The following CADM1 variants were observed in gnomAD, a reference collection of about 807,000 sequenced individuals.
CADM1 encodes TSLC-1.
Under a neutral mutation model 53.1 loss-of-function variants are expected in CADM1, and 15 were observed. The ratio of observed to expected loss-of-function variants is 0.28; its 90% confidence interval spans 0.19 to 0.44. CADM1 has a LOEUF of 0.44. Ranked by LOEUF, CADM1 falls within the 20% of genes least tolerant of loss-of-function variation. The pLI, the probability that CADM1 is intolerant of heterozygous loss-of-function variation, is 1.00. For synonymous variants in CADM1, 281 were observed against 243.0 expected, an observed-to-expected ratio of 1.16 and a Z score of -1.45; for missense variants, 434 against 611.3, an observed-to-expected ratio of 0.71 and a Z score of 3.06.
chr11:115,222,635 T>C (rs992893542), intron 5 of CADM1, among the ~76,000 whole-genome samples: 3 of 152,146 alleles, frequency 2.0e-5, no homozygotes, highest in African/African-American at 7.2e-5. Flanking sequence ...TGAAGAGGGC[T>C]GAACGATTGT....
intron 1 of CADM1, among the ~76,000 whole-genome samples, chr11:115,371,806 T>C (rs1485760363): frequency 4.6e-5 from 1 of 21,724 alleles, no homozygotes; most frequent in Non-Finnish European, 8.1e-5. Context: ...GCCCAGCTAA[T>C]GGATTTTTTT....
chr11:115,298,898 T>G (rs577873900), intron 1 of CADM1, among the ~76,000 whole-genome samples: 1 of 152,150 alleles, frequency 6.6e-6, no homozygotes, highest in African/African-American at 2.4e-5. Flanking sequence ...GCACCACCAC[T>G]TGAAATCTCA....
chr11:115,207,635 T>A (rs975079970), intron 8 of CADM1, among the ~76,000 whole-genome samples: 4 of 151,374 alleles, frequency 2.6e-5, no homozygotes, highest in Non-Finnish European at 4.4e-5. Context: ...AAATGAAAAG[T>A]GTTGTTCCAT....
intron 1 of CADM1, among the ~76,000 whole-genome samples, chr11:115,269,307 TGA>T (rs1036003429): frequency 2.6e-5 from 4 of 152,226 alleles, no homozygotes; most frequent in African/African-American, 9.6e-5. Flanking sequence ...GCTACCGACC[TGA>T]GAGAGTCTGC....
rs142496636 is a variant in CADM1, at chr11:115,177,237, G to T, written c.1298-645C>A. Among the ~76,000 whole-genome samples, 1,263 of 152,294 alleles carry T rather than the reference G, an allele frequency of 8.3e-3. 19 individuals carry two copies. Among genetic ancestry groups the T allele is most frequent in the Non-Finnish European group, 8.7e-3 (593 of 68,038 alleles). On this transcript the variant is annotated intron_variant, in intron 11 of 11. Coordinates refer to ENST00000331581, the MANE Select transcript of CADM1 (RefSeq NM_001301043.2). ...GGGATCTGTCTTAATGAGCAAGTAG[G>T]TCTCTCTCATCGTATAACTCTAGCC...
chr11:115,269,593 C>T (rs147259375), intron 1 of CADM1, among the ~76,000 whole-genome samples: 3 of 152,128 alleles, frequency 2.0e-5, no homozygotes, highest in African/African-American at 4.8e-5. Context: ...ATACACCATA[C>T]GTGATTCAAC....
intron 1 of CADM1, among the ~76,000 whole-genome samples, chr11:115,463,468 C>A (rs897232723): frequency 5.9e-5 from 9 of 152,178 alleles, no homozygotes; most frequent in African/African-American, 9.6e-5. Flanking sequence ...ACTGTGAGTT[C>A]TTTTCACCTA....
At chr11:115,387,388 AGGAAAATGAAGCAAAG>A (rs1049469202) in intron 1 of CADM1, among the ~76,000 whole-genome samples, 11 of 152,194 alleles carry the variant, frequency 7.2e-5, no homozygotes, top group East Asian at 1.9e-4. Context: ...TAAAATTGAA[AGGAAAATGAAGCAAAG>A]GGAAAATGAA....
chr11:115,488,810 T>C (rs1223038825), intron 1 of CADM1, among the ~76,000 whole-genome samples: 1 of 152,222 alleles, frequency 6.6e-6, no homozygotes, highest in Admixed American at 6.5e-5. Context: ...ACAGACTGCC[T>C]TACCCATGTC....
intron 1 of CADM1, among the ~76,000 whole-genome samples, chr11:115,400,143 G>C (rs975663151): frequency 3.3e-5 from 5 of 152,118 alleles, no homozygotes; most frequent in African/African-American, 1.2e-4. Flanking sequence ...AACTAGGTCT[G>C]TTGGCTATAA....
At chr11:115,467,658 G>A (rs776872297) in intron 1 of CADM1, among the ~76,000 whole-genome samples, 2 of 152,150 alleles carry the variant, frequency 1.3e-5, no homozygotes, top group Non-Finnish European at 1.5e-5. Flanking sequence ...GAGAGAAGCC[G>A]TAACAGGGAC....
At chr11:115,400,661 GTATATATATATA>G (rs372594262) in intron 1 of CADM1, among the ~76,000 whole-genome samples, 2,936 of 46,102 alleles carry the variant, frequency 0.064, 70 homozygotes, top group Non-Finnish European at 0.084. Context: ...GTGTGTGTGT[GTATATATATATA>G]TATATATATA....
At chr11:115,305,980 C>T (rs1337811956) in intron 1 of CADM1, among the ~76,000 whole-genome samples, 1 of 148,266 alleles carries the variant, frequency 6.7e-6, no homozygotes, top group Non-Finnish European at 1.5e-5. Flanking sequence ...TATAGAATTC[C>T]TACACATTTT....
chr11:115,373,770 A>G (rs1946372084), intron 1 of CADM1, among the ~76,000 whole-genome samples: 1 of 152,080 alleles, frequency 6.6e-6, no homozygotes, highest in African/African-American at 2.4e-5. Context: ...ACCTGTGGAA[A>G]TTGTTAAAAA....
At chr11:115,418,243 A>G (rs1947658582) in intron 1 of CADM1, among the ~76,000 whole-genome samples, 1 of 152,148 alleles carries the variant, frequency 6.6e-6, no homozygotes, top group African/African-American at 2.4e-5. Flanking sequence ...AAGAAAATGA[A>G]ACTTCTTTAA....
chr11:115,378,782 G>T (rs1044838346), intron 1 of CADM1, among the ~76,000 whole-genome samples: 3 of 152,246 alleles, frequency 2.0e-5, no homozygotes, highest in Non-Finnish European at 4.4e-5. Flanking sequence ...GTCTACAGCA[G>T]CTTTCACACT....
chr11:115,366,541 CT>C (rs1360111866), intron 1 of CADM1, among the ~76,000 whole-genome samples: 1 of 152,096 alleles, frequency 6.6e-6, no homozygotes, highest in East Asian at 1.9e-4. Context: ...TAATTTTTTC[CT>C]TTCTTCCACT....
intron 1 of CADM1, among the ~76,000 whole-genome samples, chr11:115,253,897 T>C (rs1942689142): frequency 6.6e-6 from 1 of 152,226 alleles, no homozygotes; most frequent in African/African-American, 2.4e-5. Flanking sequence ...ATTTCCTTCA[T>C]TTGATTTTGA....
At chr11:115,496,123 G>A (rs1949605805) in intron 1 of CADM1, among the ~76,000 whole-genome samples, 1 of 152,160 alleles carries the variant, frequency 6.6e-6, no homozygotes, top group Non-Finnish European at 1.5e-5. Context: ...TGAATGTATT[G>A]TTTTAAATTT....
Sources: gnomAD v4.1 joint callset for allele counts (sites outside exome capture counted in the v4.1 genomes callset) on GRCh38, gnomAD v4.1.1 for gene constraint, MANE v1.5 for transcripts, NCBI Gene and HGNC (gene_info 2026-07-23, HGNC 2026-07-21) for gene names.